CNTN5: variants seen among roughly 807,000 people sequenced by gnomAD.
CNTN5 encodes contactin-5.
CNTN5 carries 77 observed loss-of-function variants against 129.1 expected under a neutral mutation model. The observed-to-expected ratio is 0.60, with a 90% CI of 0.50 to 0.72. CNTN5 has a LOEUF of 0.72. Among genes scored for constraint, CNTN5 ranks in the 30% least tolerant of loss-of-function variants. The probability of loss-of-function intolerance (pLI) is 0.00; values close to 1 mark genes in which losing one functional copy is unlikely to be tolerated. For synonymous variants in CNTN5, 509 were observed against 465.6 expected (o/e 1.09, Z -1.20); for missense variants, 1,478 against 1,328.8 (o/e 1.11, Z -1.75).
intron 1 of CNTN5, among the ~76,000 whole-genome samples, chr11:99,226,871 A>T (rs375256317): frequency 6.6e-6 from 1 of 152,184 alleles, no homozygotes; most frequent in Non-Finnish European, 1.5e-5. Context: ...TAGCTGTGTG[A>T]TATTATTAGG....
intron 13 of CNTN5, among the ~76,000 whole-genome samples, chr11:100,092,831 G>T (rs1282684392): frequency 6.6e-6 from 1 of 151,952 alleles, no homozygotes; most frequent in Non-Finnish European, 1.5e-5. Flanking sequence ...TTTTAAAGCG[G>T]TGATTTCCAA....
At chr11:99,573,308 C>T (rs909919921) in intron 3 of CNTN5, among the ~76,000 whole-genome samples, 4 of 151,994 alleles carry the variant, frequency 2.6e-5, no homozygotes, top group Non-Finnish European at 5.9e-5. Context: ...CAGTGGCTCA[C>T]GCCTGTAATC....
intron 6 of CNTN5, among the ~76,000 whole-genome samples, chr11:99,867,427 T>A (rs1321041799): frequency 6.6e-6 from 1 of 152,138 alleles, no homozygotes; most frequent in African/African-American, 2.4e-5. Flanking sequence ...ATCTTAAAAT[T>A]TTGTTTGTCA....
At chr11:100,353,880 C>G (rs571125594) in intron 24 of CNTN5, among the ~76,000 whole-genome samples, 1 of 151,458 alleles carries the variant, frequency 6.6e-6, no homozygotes, top group Non-Finnish European at 1.5e-5. Flanking sequence ...AAAATAAATT[C>G]AGACTCTATC....
chr11:99,601,733 C>T (rs186672111), intron 3 of CNTN5, among the ~76,000 whole-genome samples: 34 of 152,292 alleles, frequency 2.2e-4, no homozygotes, highest in East Asian at 1.2e-3. Flanking sequence ...TGTTCTCCAA[C>T]GCCCAGTAGG....
At chr11:99,366,950 T>A (rs1939484459) in intron 2 of CNTN5, among the ~76,000 whole-genome samples, 1 of 152,212 alleles carries the variant, frequency 6.6e-6, no homozygotes, top group Admixed American at 6.5e-5. Context: ...TGTCATATTG[T>A]GATATCGACA....
At chr11:99,187,188 A>G (rs909593578) in intron 1 of CNTN5, among the ~76,000 whole-genome samples, 6 of 151,896 alleles carry the variant, frequency 4.0e-5, no homozygotes, top group African/African-American at 1.4e-4. Flanking sequence ...AGTAAGAAAC[A>G]AAGAAGCAGC....
intron 1 of CNTN5, among the ~76,000 whole-genome samples, chr11:99,198,433 T>A (rs2135617889): frequency 6.6e-6 from 1 of 152,262 alleles, no homozygotes; most frequent in Non-Finnish European, 1.5e-5. Flanking sequence ...GCAAGTTAGA[T>A]GGGGCCAAAG....
chr11:100,148,568 G>A (rs1946936338), intron 13 of CNTN5, among the ~76,000 whole-genome samples: 1 of 152,180 alleles, frequency 6.6e-6, no homozygotes, highest in Non-Finnish European at 1.5e-5. Context: ...TTGATCTCAA[G>A]TATTTGTGTG....
intron 6 of CNTN5, among the ~76,000 whole-genome samples, chr11:99,913,966 A>T (rs984551204): frequency 6.6e-6 from 1 of 152,136 alleles, no homozygotes; most frequent in African/African-American, 2.4e-5. Context: ...TAGAGATATT[A>T]AAATCAAGCA....
At chr11:100,037,971 G>C (rs906750134) in intron 9 of CNTN5, among the ~76,000 whole-genome samples, 3 of 152,012 alleles carry the variant, frequency 2.0e-5, no homozygotes, top group Non-Finnish European at 4.4e-5. Flanking sequence ...ATTTCCTTCA[G>C]TTCTGCTCTG....
At chr11:99,964,547 G>A (rs920338601) in intron 8 of CNTN5, among the ~76,000 whole-genome samples, 18 of 152,120 alleles carry the variant, frequency 1.2e-4, no homozygotes, top group African/African-American at 2.2e-4. Context: ...ATGTGCTGCC[G>A]GATTCAGTTT....
chr11:99,623,134 A>G (rs965745106), intron 3 of CNTN5, among the ~76,000 whole-genome samples: 1 of 152,008 alleles, frequency 6.6e-6, no homozygotes, highest in African/African-American at 2.4e-5. Flanking sequence ...CCCTCATCCT[A>G]GTGATGTCTT....
intron 6 of CNTN5, among the ~76,000 whole-genome samples, chr11:99,865,005 A>G (rs1473762167): frequency 6.6e-6 from 1 of 152,214 alleles, no homozygotes; most frequent in Non-Finnish European, 1.5e-5. Flanking sequence ...CAGTTACATG[A>G]AGAGGAATCA....
chr11:99,401,515 T>A (rs1341388797), intron 2 of CNTN5, among the ~76,000 whole-genome samples: 1 of 152,186 alleles, frequency 6.6e-6, no homozygotes, highest in Non-Finnish European at 1.5e-5. Context: ...AGTCAGGTAA[T>A]GTGCTTCATC....
At chr11:99,314,076 T>G (rs535103388) in intron 1 of CNTN5, among the ~76,000 whole-genome samples, 4 of 152,154 alleles carry the variant, frequency 2.6e-5, no homozygotes, top group African/African-American at 9.6e-5. Context: ...TGAAGCTGTT[T>G]AGACGTGTAT....
chr11:100,331,820 A>C (rs1951912737), intron 21 of CNTN5, among the ~76,000 whole-genome samples: 1 of 152,046 alleles, frequency 6.6e-6, no homozygotes, highest in South Asian at 2.1e-4. Context: ...AAAACCTCTG[A>C]GATACAGAAA....
At chr11:99,234,345 C>T (rs1414881659) in intron 1 of CNTN5, among the ~76,000 whole-genome samples, 2 of 152,044 alleles carry the variant, frequency 1.3e-5, no homozygotes, top group Non-Finnish European at 2.9e-5. Context: ...TACATGAAGA[C>T]AGAAGGAGGG....
At chr11:99,516,552 T>C (rs74588225) in intron 2 of CNTN5, among the ~76,000 whole-genome samples, 10,109 of 152,106 alleles carry the variant, frequency 0.066, 377 homozygotes, top group African/African-American at 0.1. Context: ...CATACATGCT[T>C]ACGCACGGGC....
Sources: allele counts gnomAD v4.1 joint callset (sites outside exome capture counted in the v4.1 genomes callset), GRCh38; gene constraint gnomAD v4.1.1; transcripts MANE v1.5; gene names NCBI Gene and HGNC (gene_info 2026-07-23, HGNC 2026-07-21).